BAIAP2: variants seen among roughly 807,000 people sequenced by gnomAD.
BAIAP2 encodes BAR/IMD domain-containing adapter protein 2.
Under a neutral mutation model 63.0 loss-of-function variants are expected in BAIAP2, and 18 were observed. The ratio of observed to expected loss-of-function variants is 0.29; its 90% confidence interval spans 0.20 to 0.42. The LOEUF is 0.42. BAIAP2 is among the 10% of genes least tolerant of loss of function. The probability of loss-of-function intolerance (pLI) is 1.00; values close to 1 mark genes in which losing one functional copy is unlikely to be tolerated. For missense variants in BAIAP2, 610 were observed against 734.3 expected (o/e 0.83, Z 1.96); for synonymous variants, 386 against 307.6 (o/e 1.25, Z -2.67).
chr17:81,053,442 C>T (rs553216162), intron 1 of BAIAP2: 101 of 570,254 alleles, frequency 1.8e-4, no homozygotes, highest in East Asian at 6.5e-4. Context: ...TTCTTCTTAC[C>T]CCCTTTGCAC....
At chr17:81,114,258 G>A (rs1018617522) in intron 13 of BAIAP2, among the ~76,000 whole-genome samples, 1 of 151,512 alleles carries the variant, frequency 6.6e-6, no homozygotes, top group Non-Finnish European at 1.5e-5. Context: ...CTAGGCAGGA[G>A]CCACTATGCC....
chr17:81,042,142 CTTTTTTT>C (rs36029761), intron 1 of BAIAP2, among the ~76,000 whole-genome samples: 13 of 109,758 alleles, frequency 1.2e-4, no homozygotes, highest in African/African-American at 3.5e-4. Flanking sequence ...TTTCTTTTTT[CTTTTTTT>C]TTTTTTTTTG....
chr17:81,093,562 A>G (rs983238501), intron 6 of BAIAP2, among the ~76,000 whole-genome samples: 1 of 151,990 alleles, frequency 6.6e-6, no homozygotes, highest in Non-Finnish European at 1.5e-5. Context: ...CCCAGAGACC[A>G]TGGGGGCTCC....
At chr17:81,051,968 G>A (rs1229322681) in intron 1 of BAIAP2, among the ~76,000 whole-genome samples, 6 of 152,202 alleles carry the variant, frequency 3.9e-5, no homozygotes, top group African/African-American at 1.4e-4. Flanking sequence ...GGGATTATAC[G>A]TGCGAGCCAC....
chr17:81,059,874 C>A (rs987224351), intron 3 of BAIAP2, among the ~76,000 whole-genome samples: 13 of 152,090 alleles, frequency 8.5e-5, no homozygotes, highest in African/African-American at 3.1e-4. Flanking sequence ...TTGTGGCCCA[C>A]AGTGAGGGGT....
At chr17:81,045,253 G>A (rs2047647032) in intron 1 of BAIAP2, among the ~76,000 whole-genome samples, 2 of 152,208 alleles carry the variant, frequency 1.3e-5, no homozygotes, top group Admixed American at 1.3e-4. Flanking sequence ...GGTGTCCAAG[G>A]CCCATGGAAA....
intron 3 of BAIAP2, among the ~76,000 whole-genome samples, chr17:81,061,134 TTA>T (rs2050475836): frequency 1.3e-5 from 2 of 152,156 alleles, no homozygotes; most frequent in Non-Finnish European, 2.9e-5. Context: ...AAAAAAAAGT[TTA>T]GACATCATCG....
At chr17:81,069,249 G>A (rs2052101408) in intron 3 of BAIAP2, among the ~76,000 whole-genome samples, 1 of 152,352 alleles carries the variant, frequency 6.6e-6, no homozygotes, top group Middle Eastern at 3.4e-3. Flanking sequence ...CATGCAGGCG[G>A]TCACATCACT....
At chr17:81,088,801 C>G (rs1047699806) in intron 6 of BAIAP2, among the ~76,000 whole-genome samples, 1 of 152,266 alleles carries the variant, frequency 6.6e-6, no homozygotes, top group Non-Finnish European at 1.5e-5. Flanking sequence ...CCTGGCACGG[C>G]CGGTACTGCC....
intron 3 of BAIAP2, among the ~76,000 whole-genome samples, chr17:81,079,669 C>A (rs1234045543): frequency 6.6e-6 from 1 of 152,210 alleles, no homozygotes; most frequent in Non-Finnish European, 1.5e-5. Flanking sequence ...TTCCATCACC[C>A]CCAACACCCC....
chr17:81,108,117 G>C (rs2059398261), intron 12 of BAIAP2: 1 of 358,476 alleles, frequency 2.8e-6, no homozygotes, highest in Non-Finnish European at 5.1e-6. Flanking sequence ...GCCCGCCCAG[G>C]CATGGGTGAG....
chr17:81,099,524 T>C (rs371599985), intron 6 of BAIAP2, among the ~76,000 whole-genome samples: 6 of 152,288 alleles, frequency 3.9e-5, no homozygotes, highest in African/African-American at 1.4e-4. Context: ...ACCAAGAAGC[T>C]GTCCTGGGGC....
At chr17:81,037,362 C>CGG (rs1411041730) in intron 1 of BAIAP2, among the ~76,000 whole-genome samples, 2 of 152,202 alleles carry the variant, frequency 1.3e-5, no homozygotes, top group African/African-American at 4.8e-5. Context: ...TGCACACAGG[C>CGG]GGGGTTGGTT....
At position 81,116,943 on chromosome 17, in the gene BAIAP2, C is replaced by T; in HGVS notation, c.*1104C>T. Reference sequence around the variant, plus strand: ...GGGTGCAGGGAAGCCCAGCTGTGCTCAACTCTCCTGCCTCCGCCTTCCACC... The same window carrying T: ...GGGTGCAGGGAAGCCCAGCTGTGCTTAACTCTCCTGCCTCCGCCTTCCACC... On this transcript the variant is annotated 3_prime_UTR_variant, in exon 14 of 14. Coordinates refer to ENST00000428708, the MANE Select transcript of BAIAP2 (RefSeq NM_001144888.2). 6.5e-6 allele frequency: 1 copy of T among 152,766 alleles called. No homozygotes were observed. Among genetic ancestry groups the T allele is most frequent in the Non-Finnish European group, 1.5e-5 (1 of 68,344 alleles). The allele number at this position is 152,766 out of a possible 1,614,324, so 9.5% of individuals were successfully genotyped here.
In BAIAP2 at chr17:81,106,035, C is replaced by T. The variant is rs754417513; in HGVS notation, c.1269-43C>T. 1.1e-5 allele frequency: 17 copies of T among 1,533,760 alleles called. No homozygotes were observed. The Admixed American group carries it at 1.4e-4, about 12-fold the overall frequency. On this transcript the variant is annotated intron_variant, in intron 10 of 13. Coordinates refer to ENST00000428708, the MANE Select transcript of BAIAP2 (RefSeq NM_001144888.2). ...ATGGTGGTCGGTGGGGGATGGGGAG[C>T]CTCTGGGCTGAGCGTGGCTCTTACC...
At chr17:81,036,764 TTCTGGCCTTGTTGC>T in intron 1 of BAIAP2, 1 of 1,056,462 alleles carries the variant, frequency 9.5e-7, no homozygotes, top group Admixed American at 2.1e-5. Context: ...TGGCATACGG[TTCTGGCCTTGTTGC>T]TCTGTGGAAG....
intron 2 of BAIAP2, chr17:81,057,588 G>A: frequency 3.6e-6 from 4 of 1,117,184 alleles, no homozygotes; most frequent in Non-Finnish European, 4.4e-6. Flanking sequence ...GCCCTGCCTG[G>A]TAGCACGTGA....
At chr17:81,095,710 C>A (rs754458504) in intron 6 of BAIAP2, among the ~76,000 whole-genome samples, 17 of 152,174 alleles carry the variant, frequency 1.1e-4, no homozygotes, top group Middle Eastern at 6.3e-3. Flanking sequence ...TCCCCAGGAT[C>A]TGGAGGGGCC....
chr17:81,108,110 C>T (rs1232722397), intron 12 of BAIAP2: 3 of 334,304 alleles, frequency 9.0e-6, no homozygotes, highest in East Asian at 6.0e-5. Context: ...CCCAGGGGCC[C>T]GCCCAGGCAT....
Sources: allele counts gnomAD v4.1 joint callset (sites outside exome capture counted in the v4.1 genomes callset), GRCh38; gene constraint gnomAD v4.1.1; transcripts MANE v1.5; gene names NCBI Gene and HGNC (gene_info 2026-07-23, HGNC 2026-07-21).